Variants in ARMS2 observed in about 807,000 individuals in gnomAD.
The protein encoded by ARMS2 is age-related maculopathy susceptibility 2, also known as age-related maculopathy susceptibility protein 2.
In ARMS2, 4 loss-of-function variants were observed where a neutral mutation model predicts 6.0. That is an observed-to-expected ratio of 0.67 (90% CI 0.33 to 1.53). The LOEUF (loss-of-function observed/expected upper bound fraction) is 1.53. Ranked by LOEUF, ARMS2 falls within the 40% of genes most tolerant of loss-of-function variation. ARMS2 has a pLI of 0.06. For missense variants in ARMS2, 99 were observed against 127.6 expected (o/e 0.78, Z 1.08); for synonymous variants, 49 against 51.7 (o/e 0.95, Z 0.22).
intron 1 of ARMS2, 147 bp from the exon 2 acceptor site, chr10:122,456,760 T>C: frequency 1.6e-6 from 2 of 1,222,448 alleles, no homozygotes; most frequent in Non-Finnish European, 2.2e-6. Context: ...AATAAATTAA[T>C]TGTTACAAAA....
intron 1 of ARMS2, among the ~76,000 whole-genome samples, chr10:122,455,890 T>C (rs2097476736): frequency 6.6e-6 from 1 of 152,144 alleles, no homozygotes; most frequent in African/African-American, 2.4e-5. Flanking sequence ...TGACAAGCTG[T>C]CATTCAAGAC....
At chr10:122,455,091 T>G in intron 1 of ARMS2, 67 bp downstream of exon 1, 1 of 831,918 alleles carries the variant, frequency 1.2e-6, no homozygotes, top group East Asian at 2.8e-5. Flanking sequence ...AGTGGTGCCC[T>G]GCAGCTTGCA....
chr10:122,454,723 C>T lies in ARMS2; in HGVS notation c.-5C>T. 1 of 1,613,420 alleles carries T rather than the reference C, an allele frequency of 6.2e-7. No individual in the cohort carries two copies. Among genetic ancestry groups the T allele is most frequent in the South Asian group, 1.1e-5 (1 of 91,038 alleles). On this transcript the variant is annotated 5_prime_UTR_variant, in exon 1 of 2. Transcript: ENST00000528446. ...TTGTCACCACATTATGTCCCTGTAC[C>T]CTACATGCTGCGCCTATACCCAGGA...
Position 122,454,657 on chromosome 10 carries a change from CTGAG to C in ARMS2, c.-66_-63del. On this transcript the variant is annotated 5_prime_UTR_variant, in exon 1 of 2. Transcript: ENST00000528446. ...TGACGGGAAAAGACAATGCTCCTGGCTGAGTGAGATGGCAGCTGGCTTGGCAAGG... is the reference window on the plus strand; with the variant it reads ...TGACGGGAAAAGACAATGCTCCTGGCTGAGATGGCAGCTGGCTTGGCAAGG... 5 of 1,573,424 alleles carry C rather than the reference CTGAG, an allele frequency of 3.2e-6. No homozygotes were observed. Among genetic ancestry groups the C allele is most frequent in the Non-Finnish European group, 2.6e-6 (3 of 1,156,398 alleles).
intron 1 of ARMS2, 72 bp downstream of exon 1, chr10:122,455,096 C>A: frequency 1.2e-6 from 1 of 857,916 alleles, no homozygotes; most frequent in Non-Finnish European, 1.8e-6. Flanking sequence ...TGCCCTGCAG[C>A]TTGCATTTTA....
chr10:122,456,126 G>T (rs1414992532), intron 1 of ARMS2, among the ~76,000 whole-genome samples: 1 of 152,046 alleles, frequency 6.6e-6, no homozygotes, highest in Non-Finnish European at 1.5e-5. Flanking sequence ...CAAATACATA[G>T]AATGTAAAGG....
chr10:122,456,336 A>G (rs1173204654), intron 1 of ARMS2, among the ~76,000 whole-genome samples: 2 of 152,104 alleles, frequency 1.3e-5, no homozygotes, highest in Admixed American at 6.5e-5. Context: ...AAATGCTGGT[A>G]TTGTAATTCT....
chr10:122,457,179 G>C lies in ARMS2; in HGVS notation c.*246G>C. On this transcript the variant is annotated 3_prime_UTR_variant, in exon 2 of 2. Coordinates refer to ENST00000528446, the MANE Select transcript of ARMS2 (RefSeq NM_001099667.3). Reference sequence around the variant, plus strand: ...TTGGATGCATCTTCTGCTCTGTGCAGCTGGTGAAATCTTTCTCAACCCTTG... The same window carrying C: ...TTGGATGCATCTTCTGCTCTGTGCACCTGGTGAAATCTTTCTCAACCCTTG... 4 of 452,500 alleles carry C rather than the reference G, an allele frequency of 8.8e-6. No homozygotes were observed. The highest frequency in any genetic ancestry group is 1.6e-5 in the Non-Finnish European group (4 of 257,532). The allele number at this position is 452,500 out of a possible 1,614,324, so 28.0% of individuals were successfully genotyped here.
Position 122,457,098 on chromosome 10 carries a change from C to A in ARMS2, c.*165C>A. 1 of 845,436 alleles carries A rather than the reference C, an allele frequency of 1.2e-6. No homozygotes were observed. The highest frequency in any genetic ancestry group is 1.8e-6 in the Non-Finnish European group (1 of 553,616). The allele number at this position is 845,436 out of a possible 1,614,324, so 52.4% of individuals were successfully genotyped here. The stretch of plus-strand genomic sequence containing the variant: ...ACAGGACTCTCTTCCCACCTGCGGC[C>A]ACACTGTGCAACCTGGAATTTCCCC... On this transcript the variant is annotated 3_prime_UTR_variant, in exon 2 of 2. Transcript: ENST00000528446.
rs765032254 is a variant in ARMS2 at position 122,457,054 on chromosome 10, C to A, written c.*121C>A. 8.4e-6 allele frequency: 11 copies of A among 1,315,342 alleles called. No individual in the cohort carries two copies. Among genetic ancestry groups the A allele is most frequent in the Non-Finnish European group, 1.1e-5 (10 of 949,848 alleles). 81.5% of individuals were successfully genotyped at this position (1,315,342 alleles called of 1,614,324 possible). A position where few individuals can be genotyped will look rare whatever the true frequency, so the allele number is the denominator to read the frequency against. On this transcript the variant is annotated 3_prime_UTR_variant, in exon 2 of 2. Coordinates refer to ENST00000528446, the MANE Select transcript of ARMS2 (RefSeq NM_001099667.3). ...ACAACCTAGACTGGTCCCCTTCCCT[C>A]CAGCTGCCTCAACTGTCCACAGGAC...
intron 1 of ARMS2, 30 bp downstream of exon 1, chr10:122,455,054 C>A: frequency 8.0e-7 from 1 of 1,246,320 alleles, no homozygotes. Flanking sequence ...AGGCCTTACC[C>A]CAGACCTATT....
chr10:122,455,152 C>T (rs1591017526), intron 1 of ARMS2, 128 bp downstream of exon 1: 1 of 619,742 alleles, frequency 1.6e-6, no homozygotes, highest in East Asian at 2.7e-5. Flanking sequence ...TTGAGCACCA[C>T]TGGCCACAGG....
chr10:122,455,126 T>C (rs768993559), intron 1 of ARMS2, 102 bp downstream of exon 1: 39 of 680,396 alleles, frequency 5.7e-5, no homozygotes, highest in Non-Finnish European at 9.3e-5. Flanking sequence ...CAGGTGCTTC[T>C]GATGCATGCT....
chr10:122,456,568 C>T (rs984832849), intron 1 of ARMS2, among the ~76,000 whole-genome samples: 60 of 151,682 alleles, frequency 4.0e-4, no homozygotes, highest in African/African-American at 1.2e-3. Flanking sequence ...GCAGGAGAAT[C>T]GCTAGAACCT....
In ARMS2 at chr10:122,457,162, A is replaced by G; in HGVS notation, c.*229A>G. 1 of 551,716 alleles carries G rather than the reference A, an allele frequency of 1.8e-6. No individual in the cohort carries two copies. The highest frequency in any genetic ancestry group is 3.2e-6 in the Non-Finnish European group (1 of 313,242). 34.2% of individuals were successfully genotyped at this position (551,716 alleles called of 1,614,324 possible). ...CATCACGTCATCACCAATTGGATGC[A>G]TCTTCTGCTCTGTGCAGCTGGTGAA... is the stretch of plus-strand genomic sequence containing the variant. On this transcript the variant is annotated 3_prime_UTR_variant, in exon 2 of 2. Coordinates refer to ENST00000528446, the MANE Select transcript of ARMS2 (RefSeq NM_001099667.3).
rs539150588 is a variant in ARMS2 at position 122,456,681 on chromosome 10, G to A, written c.298-226G>A. 4.0e-5 allele frequency among the ~76,000 whole-genome samples: 6 copies of A among 151,158 alleles called. No homozygotes were observed. The East Asian group carries it at 1.2e-3, about 29-fold the overall frequency. ...AAAAAAAAAAAAAAAGTTCTCAAAA[G>A]TATTTTGAACTTCCTCACCTTTGTC... is the stretch of plus-strand genomic sequence containing the variant. On this transcript the variant is annotated intron_variant, in intron 1 of 1. Coordinates refer to ENST00000528446, the MANE Select transcript of ARMS2 (RefSeq NM_001099667.3).
intron 1 of ARMS2, among the ~76,000 whole-genome samples, chr10:122,455,589 A>G (rs922389700): frequency 1.3e-5 from 2 of 152,208 alleles, no homozygotes; most frequent in Non-Finnish European, 2.9e-5. Flanking sequence ...TTGGTTTAAA[A>G]TTTAGACATC....
At chr10:122,455,893 T>C (rs956691959) in intron 1 of ARMS2, among the ~76,000 whole-genome samples, 21 of 152,134 alleles carry the variant, frequency 1.4e-4, no homozygotes, top group Non-Finnish European at 1.8e-4. Context: ...CAAGCTGTCA[T>C]TCAAGACCTT....
At chr10:122,456,319 A>G (rs919464554) in intron 1 of ARMS2, among the ~76,000 whole-genome samples, 1 of 152,068 alleles carries the variant, frequency 6.6e-6, no homozygotes, top group Admixed American at 6.5e-5. Context: ...AGAAAAAAGA[A>G]AAAAAGAAAT....
Sources: gnomAD v4.1 joint callset for allele counts (sites outside exome capture counted in the v4.1 genomes callset) on GRCh38, gnomAD v4.1.1 for gene constraint, MANE v1.5 for transcripts, NCBI Gene and HGNC (gene_info 2026-07-23, HGNC 2026-07-21) for gene names.